The following SFI1 variants were observed in gnomAD, a reference collection of about 807,000 sequenced individuals.
SFI1 encodes protein SFI1 homolog.
A neutral mutation model predicts 207.5 loss-of-function variants in SFI1; 195 were observed. The observed-to-expected ratio is 0.94, with a 90% CI of 0.84 to 1.06. The LOEUF (loss-of-function observed/expected upper bound fraction) is 1.06, where lower values mean the gene tolerates loss of function less well. Ranked by LOEUF, SFI1 falls within the 50% of genes least tolerant of loss-of-function variation. The probability of loss-of-function intolerance (pLI) is 0.00; values close to 1 mark genes in which losing one functional copy is unlikely to be tolerated. For synonymous variants in SFI1, 630 were observed against 598.9 expected (o/e 1.05, Z -0.76); for missense variants, 1,634 against 1,588.0 (o/e 1.03, Z -0.49).
At chr22:31,520,970 T>G (rs981100466) in intron 2 of SFI1, among the ~76,000 whole-genome samples, 1 of 137,732 alleles carries the variant, frequency 7.3e-6, no homozygotes, top group Non-Finnish European at 1.5e-5. Context: ...TCCACTGCAT[T>G]CCAGCCTGGG....
chr22:31,615,185 G>T lies in SFI1; in HGVS notation c.3206G>T (p.Gly1069Val). ...PLPGALSSAP[G>V]PKQPPTASTG... ...CCTGGGGCCCTGTCAAGCGCCCCTG[G>T]CCCGAAGCAGCCCCCGACGGCAAGC... Residue 1069 changes from glycine (G) to valine (V), a missense_variant, in exon 29 of 33, where the codon GGC becomes GTC. By Grantham distance (109) the Gly-to-Val change is moderately radical. Coordinates refer to ENST00000400288, the MANE Select transcript of SFI1 (RefSeq NM_001007467.3). The T allele has an allele frequency of 6.3e-7, 1 of 1,591,596 alleles. No homozygotes were observed. Among genetic ancestry groups the T allele is most frequent in the Non-Finnish European group, 8.5e-7 (1 of 1,171,636 alleles).
chr22:31,561,412 G>C lies in SFI1; in HGVS notation c.765+20G>C, dbSNP rs745696581. The C allele has an allele frequency of 4.4e-6, 7 of 1,602,754 alleles. No homozygotes were observed. In the African/African-American group the frequency reaches 9.4e-5, roughly 21 times the overall value. ...GTGCAGGTGAGTCCAGCAGACGTGG[G>C]ATTTGGCATCCTCTGTCAGTGTTGT... On this transcript the variant is annotated intron_variant, in intron 8 of 32. Transcript: ENST00000400288.
intron 2 of SFI1, among the ~76,000 whole-genome samples, chr22:31,518,988 T>G (rs1259420716): frequency 6.6e-6 from 1 of 152,214 alleles, no homozygotes; most frequent in Non-Finnish European, 1.5e-5. Context: ...AGCTTGCGCT[T>G]GATTTCTTCC....
At chr22:31,520,558 G>GT (rs2057102456) in intron 2 of SFI1, among the ~76,000 whole-genome samples, 1 of 151,858 alleles carries the variant, frequency 6.6e-6, no homozygotes, top group African/African-American at 2.4e-5. Context: ...TTGGTTTTTT[G>GT]TTTTTTGTTT....
Position 31,556,949 on chromosome 22 carries a change from G to A in SFI1, c.552G>A (p.Lys184=), listed in dbSNP as rs1318265155. ...TCTCTTTGGTGAATCTAGATGCAAA[G>A]CAAAAGATGCGACAGGCCTGGAAGT... ...KYIRAEVHDA[K]QKMRQAWKSW... is the part of the protein sequence containing the mutation. The change falls in exon 7 of 33, where the codon AAG becomes AAA. Residue 184 remains lysine (K), a synonymous_variant. Transcript: ENST00000400288. 6.2e-7 allele frequency: 1 copy of A among 1,600,622 alleles called. No individual in the cohort carries two copies. Among genetic ancestry groups the A allele is most frequent in the African/African-American group, 1.3e-5 (1 of 74,468 alleles).
chr22:31,542,641 A>G lies in SFI1; in HGVS notation c.339-4220A>G, dbSNP rs1246253008. On this transcript the variant is annotated intron_variant, in intron 4 of 32. Transcript: ENST00000400288. ...GAAACTCTGTCTCAAAAATATATATATAAATACTATTATTTATTTATTTAT... is the reference window on the plus strand; with the variant it reads ...GAAACTCTGTCTCAAAAATATATATGTAAATACTATTATTTATTTATTTAT... Among the ~76,000 whole-genome samples, 3 of 151,850 alleles carry G rather than the reference A, an allele frequency of 2.0e-5. No individual in the cohort carries two copies. In the East Asian group the frequency reaches 5.8e-4, roughly 29 times the overall value.
rs1356182537 is a variant in SFI1, at chr22:31,604,572, G to A, written c.1977+168G>A. 1.6e-5 allele frequency: 10 copies of A among 635,636 alleles called. No individual in the cohort carries two copies. In the East Asian group the frequency reaches 3.0e-4, roughly 19 times the overall value. 39.4% of individuals were successfully genotyped at this position (635,636 alleles called of 1,614,324 possible). A position where few individuals can be genotyped will look rare whatever the true frequency, so the allele number is the denominator to read the frequency against. On this transcript the variant is annotated intron_variant, in intron 19 of 32. Coordinates refer to ENST00000400288, the MANE Select transcript of SFI1 (RefSeq NM_001007467.3). Reference sequence around the variant, plus strand: ...CGGGCCTTAGGCCATAGGGTTCTTTGATTCTTGCTTGGCCAAGTGGAAACA... The same window carrying A: ...CGGGCCTTAGGCCATAGGGTTCTTTAATTCTTGCTTGGCCAAGTGGAAACA...
chr22:31,616,710 T>C, intron 29 of SFI1, 35 bp from the exon 30 acceptor site: 1 of 1,509,136 alleles, frequency 6.6e-7, no homozygotes. Context: ...CCTCCTAGCT[T>C]CCTTGCTCAG....
At chr22:31,556,394 G>A (rs2061170873) in intron 6 of SFI1, among the ~76,000 whole-genome samples, 1 of 151,916 alleles carries the variant, frequency 6.6e-6, no homozygotes, top group African/African-American at 2.4e-5. Context: ...GCTAATTTTT[G>A]TACTTTTAGT....
intron 26 of SFI1, 32 bp from the exon 27 acceptor site, chr22:31,613,570 G>C: frequency 6.3e-7 from 1 of 1,578,314 alleles, no homozygotes; most frequent in Non-Finnish European, 8.6e-7. Flanking sequence ...CAGGCAGGGT[G>C]TGGCATGAGC....
intron 2 of SFI1, among the ~76,000 whole-genome samples, chr22:31,510,974 G>A (rs541076887): frequency 6.6e-6 from 1 of 152,140 alleles, no homozygotes; most frequent in South Asian, 2.1e-4. Context: ...GGACCCTTAT[G>A]GTTACGCTCT....
At chr22:31,564,060 G>C (rs866002614) in intron 8 of SFI1, among the ~76,000 whole-genome samples, 8 of 151,266 alleles carry the variant, frequency 5.3e-5, no homozygotes, top group South Asian at 4.2e-4. Context: ...AGGCGCGGTG[G>C]CTCACACCTG....
intron 6 of SFI1, among the ~76,000 whole-genome samples, chr22:31,553,836 A>ATTTTTTTTTTTTTTT (rs1201513765): frequency 9.1e-5 from 2 of 21,954 alleles, no homozygotes; most frequent in African/African-American, 1.4e-4. Context: ...TTAATGGATT[A>ATTTTTTTTTTTTTTT]TGTTTTTTTT....
chr22:31,514,234 G>A (rs1027924817), intron 2 of SFI1, among the ~76,000 whole-genome samples: 7 of 151,642 alleles, frequency 4.6e-5, no homozygotes, highest in Non-Finnish European at 7.4e-5. Flanking sequence ...GGCCGGGTGC[G>A]GTGGCTCATG....
intron 15 of SFI1, among the ~76,000 whole-genome samples, chr22:31,593,015 C>T (rs1412389693): frequency 3.2e-5 from 4 of 125,380 alleles, no homozygotes; most frequent in African/African-American, 1.3e-4. Flanking sequence ...CCGGACGGCA[C>T]GGCTGGCCAG....
intron 9 of SFI1, among the ~76,000 whole-genome samples, chr22:31,574,259 T>G (rs2063248339): frequency 6.6e-6 from 1 of 152,176 alleles, no homozygotes; most frequent in African/African-American, 2.4e-5. Context: ...ATATGTTCAT[T>G]GGAGGATAGT....
chr22:31,590,669 T>C (rs1191860563), intron 15 of SFI1, among the ~76,000 whole-genome samples: 15 of 151,440 alleles, frequency 9.9e-5, no homozygotes, highest in Admixed American at 2.0e-4. Flanking sequence ...CATGCCCAGC[T>C]AATTTTTTGT....
At chr22:31,598,367 A>C (rs1055090672) in intron 15 of SFI1, among the ~76,000 whole-genome samples, 7 of 152,096 alleles carry the variant, frequency 4.6e-5, no homozygotes, top group Non-Finnish European at 1.0e-4. Context: ...AAGTTCCTTC[A>C]TGTCCCCTCC....
chr22:31,568,443 A>C (rs1236656187), intron 8 of SFI1, among the ~76,000 whole-genome samples: 1 of 147,522 alleles, frequency 6.8e-6, no homozygotes, highest in Non-Finnish European at 1.5e-5. Flanking sequence ...GAGCACGAGA[A>C]TCACTTGAAT....
Sources: gnomAD v4.1 joint callset for allele counts (sites outside exome capture counted in the v4.1 genomes callset) on GRCh38, gnomAD v4.1.1 for gene constraint, MANE v1.5 for transcripts, NCBI Gene and HGNC (gene_info 2026-07-23, HGNC 2026-07-21) for gene names.